P4HA1: variants seen among roughly 807,000 people sequenced by gnomAD.
P4HA1 encodes the protein prolyl 4-hydroxylase subunit alpha-1.
In P4HA1, 24 loss-of-function variants were observed where a neutral mutation model predicts 72.8. That is an observed-to-expected ratio of 0.33 (90% confidence interval 0.24 to 0.46). The LOEUF (loss-of-function observed/expected upper bound fraction) is 0.46. Among genes scored for constraint, P4HA1 ranks in the 20% least tolerant of loss-of-function variants. The pLI, the probability that P4HA1 is intolerant of heterozygous loss-of-function variation, is 1.00. For missense variants in P4HA1, 446 were observed against 640.6 expected, an observed-to-expected ratio of 0.70 and a Z score of 3.28; for synonymous variants, 201 against 218.8, an observed-to-expected ratio of 0.92 and a Z score of 0.72.
intron 10 of P4HA1, among the ~76,000 whole-genome samples, chr10:73,017,311 A>G (rs374427765): frequency 4.0e-5 from 6 of 151,750 alleles, no homozygotes; most frequent in Admixed American, 6.6e-5. Context: ...ATCTATATAT[A>G]TAGATCTATA....
At chr10:73,077,161 CCTGAGCTGTCTGAAGAAGAGTCTAGAAT>C (rs1841715493) in intron 1 of P4HA1, among the ~76,000 whole-genome samples, 1 of 152,226 alleles carries the variant, frequency 6.6e-6, no homozygotes, top group Non-Finnish European at 1.5e-5. Flanking sequence ...TTTTGAAAAG[CCTGAGCTGTCTGAAGAAGAGTCTAGAAT>C]TTTCTGTTTA....
chr10:73,053,275 G>A, intron 6 of P4HA1, 76 bp downstream of exon 6: 3 of 1,386,910 alleles, frequency 2.2e-6, no homozygotes, highest in Non-Finnish European at 2.0e-6. Context: ...ATATATAAAT[G>A]AGGGAAAGAC....
Position 73,073,730 on chromosome 10 carries a change from C to T in P4HA1, c.173+1G>A. 1 of 1,401,504 alleles carries T rather than the reference C, an allele frequency of 7.1e-7. No homozygotes were observed. Among genetic ancestry groups the T allele is most frequent in the East Asian group, 2.3e-5 (1 of 43,736 alleles). The allele number at this position is 1,401,504 out of a possible 1,614,324, so 86.8% of individuals were successfully genotyped here. A position where few individuals can be genotyped will look rare whatever the true frequency, so the allele number is the denominator to read the frequency against. ...TCATAATAAGCAAACATTTTGCTTA[C>T]TTTTTTATTTGTTCTAACTTGTCCT... On this transcript the variant is annotated splice_donor_variant, in intron 3 of 14. Coordinates refer to ENST00000394890, the MANE Select transcript of P4HA1 (RefSeq NM_001017962.3). LOFTEE classifies it high-confidence loss of function.
Position 73,051,052 on chromosome 10 carries a change from C to T in P4HA1, c.900+1G>A. ...ACACACAATTGGCTTTTCCACTTTACCATTTTGATACCCTCCCCACGGCAC... is the reference window on the plus strand; with the variant it reads ...ACACACAATTGGCTTTTCCACTTTATCATTTTGATACCCTCCCCACGGCAC... On this transcript the variant is annotated splice_donor_variant, in intron 7 of 14. Transcript: ENST00000394890. LOFTEE classifies it high-confidence loss of function. The T allele has an allele frequency of 6.2e-7, 1 of 1,611,682 alleles. No individual in the cohort carries two copies. The highest frequency in any genetic ancestry group is 8.5e-7 in the Non-Finnish European group (1 of 1,178,468).
chr10:73,017,734 T>C (rs1020224474), intron 10 of P4HA1, among the ~76,000 whole-genome samples: 3 of 152,206 alleles, frequency 2.0e-5, no homozygotes, highest in Admixed American at 2.0e-4. Context: ...TGTCCCAGTG[T>C]GACGCACCAA....
At chr10:73,086,222 T>G (rs1841920833) in intron 1 of P4HA1, among the ~76,000 whole-genome samples, 1 of 152,202 alleles carries the variant, frequency 6.6e-6, no homozygotes, top group African/African-American at 2.4e-5. Flanking sequence ...GCAAAAACTT[T>G]TGCATGAATG....
chr10:73,015,382 G>A (rs1490280660), intron 11 of P4HA1, among the ~76,000 whole-genome samples: 2 of 152,078 alleles, frequency 1.3e-5, no homozygotes, highest in Non-Finnish European at 2.9e-5. Flanking sequence ...TCCGTAACAT[G>A]GAATACAGGT....
At chr10:73,028,227 G>T (rs529707648) in intron 10 of P4HA1, among the ~76,000 whole-genome samples, 1 of 142,244 alleles carries the variant, frequency 7.0e-6, no homozygotes, top group Non-Finnish European at 1.5e-5. Flanking sequence ...ATAATTTTGA[G>T]ATAGGAAAAA....
chr10:73,092,810 G>C (rs889740115), intron 1 of P4HA1, among the ~76,000 whole-genome samples: 12 of 152,026 alleles, frequency 7.9e-5, no homozygotes, highest in African/African-American at 2.7e-4. Context: ...TGGAGAAACA[G>C]CTCAAGTGTC....
intron 12 of P4HA1, among the ~76,000 whole-genome samples, chr10:73,013,783 C>T (rs969699552): frequency 5.9e-5 from 9 of 152,046 alleles, no homozygotes; most frequent in African/African-American, 1.9e-4. Context: ...GTACTGAATA[C>T]ACCAGAAGTG....
At chr10:73,081,972 C>G (rs1841835202) in intron 1 of P4HA1, among the ~76,000 whole-genome samples, 1 of 152,184 alleles carries the variant, frequency 6.6e-6, no homozygotes. Context: ...GCCAAGATGG[C>G]ACCACCACAC....
At chr10:73,067,774 T>C (rs1437210846) in intron 5 of P4HA1, among the ~76,000 whole-genome samples, 1 of 152,130 alleles carries the variant, frequency 6.6e-6, no homozygotes, top group Non-Finnish European at 1.5e-5. Context: ...TTACATCCCT[T>C]ATGAGGTCCA....
chr10:73,072,214 T>TA (rs1564634625), intron 3 of P4HA1, 34 bp from the exon 4 acceptor site: 1 of 1,547,828 alleles, frequency 6.5e-7, no homozygotes, highest in Admixed American at 1.9e-5. Context: ...TGAATATTTA[T>TA]ATTTCATAGG....
intron 1 of P4HA1, among the ~76,000 whole-genome samples, chr10:73,093,905 T>TACAC (rs1303323203): frequency 1.1e-4 from 8 of 75,662 alleles, no homozygotes; most frequent in South Asian, 5.9e-4. Flanking sequence ...TATATATATA[T>TACAC]ATACACACAC....
At chr10:73,020,353 A>C (rs1378664848) in intron 10 of P4HA1, among the ~76,000 whole-genome samples, 2 of 152,118 alleles carry the variant, frequency 1.3e-5, no homozygotes, top group Non-Finnish European at 2.9e-5. Flanking sequence ...AAACAGAAAA[A>C]AACTGAAACC....
At chr10:73,048,490 C>T (rs1840929768) in intron 7 of P4HA1, among the ~76,000 whole-genome samples, 2 of 152,238 alleles carry the variant, frequency 1.3e-5, no homozygotes, top group South Asian at 4.2e-4. Flanking sequence ...GTCTTGAACT[C>T]CTGACCTCAG....
intron 9 of P4HA1, among the ~76,000 whole-genome samples, chr10:73,030,905 T>C (rs1460597114): frequency 6.6e-6 from 1 of 152,174 alleles, no homozygotes; most frequent in Non-Finnish European, 1.5e-5. Context: ...GGAGCCCTCA[T>C]ACATTGCTAA....
chr10:73,089,890 G>A (rs1021964272), intron 1 of P4HA1, among the ~76,000 whole-genome samples: 6 of 152,180 alleles, frequency 3.9e-5, no homozygotes, highest in Non-Finnish European at 8.8e-5. Context: ...CGGCTAGAGT[G>A]CAGTAGCGTG....
Position 73,074,807 on chromosome 10 carries a change from C to A in P4HA1, c.76+1G>T. On this transcript the variant is annotated splice_donor_variant, in intron 2 of 14. Coordinates refer to ENST00000394890, the MANE Select transcript of P4HA1 (RefSeq NM_001017962.3). LOFTEE classifies it high-confidence loss of function. ...AAAAAACAACAAGTAGTAAGACTTACCAATTGAAGTAAAAAAGCCTGGATG... is the reference window on the plus strand; with the variant it reads ...AAAAAACAACAAGTAGTAAGACTTAACAATTGAAGTAAAAAAGCCTGGATG... 6.7e-7 allele frequency: 1 copy of A among 1,492,458 alleles called. No homozygotes were observed. The highest frequency in any genetic ancestry group is 9.3e-7 in the Non-Finnish European group (1 of 1,070,982). The allele number at this position is 1,492,458 out of a possible 1,614,324, so 92.5% of individuals were successfully genotyped here.
Sources: gnomAD v4.1 joint callset for allele counts (sites outside exome capture counted in the v4.1 genomes callset) on GRCh38, gnomAD v4.1.1 for gene constraint, MANE v1.5 for transcripts, NCBI Gene and HGNC (gene_info 2026-07-23, HGNC 2026-07-21) for gene names.